The following PHACTR2 variants were observed in gnomAD, a reference collection of about 807,000 sequenced individuals.
PHACTR2 encodes chromosome 6 open reading frame 56.
A neutral mutation model predicts 76.0 loss-of-function variants in PHACTR2; 30 were observed. That is an observed-to-expected ratio of 0.39 (90% CI 0.30 to 0.54). The LOEUF is 0.54. PHACTR2 is among the 20% of genes least tolerant of loss of function. The probability of loss-of-function intolerance (pLI) is 0.61; values close to 1 mark genes in which losing one functional copy is unlikely to be tolerated. For synonymous variants in PHACTR2, 292 were observed against 292.5 expected (o/e 1.00, Z 0.02); for missense variants, 696 against 781.1 (o/e 0.89, Z 1.30).
At chr6:143,540,009 A>G (rs1435267443) in intron 1 of PHACTR2, among the ~76,000 whole-genome samples, 1 of 152,108 alleles carries the variant, frequency 6.6e-6, no homozygotes, top group Non-Finnish European at 1.5e-5. Context: ...GTGCCATATT[A>G]TGTCACCCTG....
In PHACTR2 at chr6:143,801,287, A is replaced by G. The variant is rs1775948968; in HGVS notation, c.1846-5770A>G. ...AGTTCTCCTGGATAATATCCTGAAG[A>G]GTGTTTTTCAACTTGGTTCTATTCT... On this transcript the variant is annotated intron_variant, in intron 11 of 12. Transcript: ENST00000440869. The surrounding 1 kb of genome is among the most constrained non-coding windows in gnomAD (Gnocchi z 4.6). Among the ~76,000 whole-genome samples the G allele has an allele frequency of 6.6e-6, 1 of 152,126 alleles. No individual in the cohort carries two copies. The highest frequency in any genetic ancestry group is 2.4e-5 in the African/African-American group (1 of 41,418).
At position 143,648,575 on chromosome 6, in the gene PHACTR2, A is replaced by G. The variant is rs980170159; in HGVS notation, c.13+40253A>G. ...CTAAGGTGGAGTGGAAGGAAATCCTATCATTACTGTGGCTGCCCTCTGAGG... is the reference window on the plus strand; with the variant it reads ...CTAAGGTGGAGTGGAAGGAAATCCTGTCATTACTGTGGCTGCCCTCTGAGG... On this transcript the variant is annotated intron_variant, in intron 1 of 11. Coordinates refer to the PHACTR2 transcript ENST00000305766. The surrounding 1 kb of genome is among the most constrained non-coding windows in gnomAD (Gnocchi z 6.7). 6.6e-6 allele frequency among the ~76,000 whole-genome samples: 1 copy of G among 152,136 alleles called. No individual in the cohort carries two copies. Among genetic ancestry groups the G allele is most frequent in the Non-Finnish European group, 1.5e-5 (1 of 68,018 alleles).
chr6:143,728,200 C>CTTTTTTTTTTCTTTTTTTTTT (rs1778618287), intron 2 of PHACTR2, among the ~76,000 whole-genome samples: 2 of 131,380 alleles, frequency 1.5e-5, no homozygotes, highest in Non-Finnish European at 3.2e-5. Flanking sequence ...TCTTTCTTTC[C>CTTTTTTTTTTCTTTTTTTTTT]TTTTTTTTTT....
At chr6:143,575,979 A>C (rs1387646077) in intron 1 of PHACTR2, among the ~76,000 whole-genome samples, 1 of 152,240 alleles carries the variant, frequency 6.6e-6, no homozygotes, top group Non-Finnish European at 1.5e-5. Context: ...AATAGAGCAT[A>C]ATCACATTTC....
Position 143,641,648 on chromosome 6 carries a change from AG to A in PHACTR2, c.13+33328del, listed in dbSNP as rs1233127609. Among the ~76,000 whole-genome samples, 5 of 152,096 alleles carry A rather than the reference AG, an allele frequency of 3.3e-5. No homozygotes were observed. Among genetic ancestry groups the A allele is most frequent in the Non-Finnish European group, 5.9e-5 (4 of 68,010 alleles). On this transcript the variant is annotated intron_variant, in intron 1 of 11. Coordinates refer to the PHACTR2 transcript ENST00000305766. This position sits in a 1 kb window ranked among gnomAD's most constrained non-coding sequence, Gnocchi z 5.8. ...CAGCCTCCTGAGTAGCTGGGATTAC[AG>A]GCATGCACCACCCTGCCCAGCTAAT...
intron 1 of PHACTR2, among the ~76,000 whole-genome samples, chr6:143,573,553 A>G (rs1775472295): frequency 6.9e-6 from 1 of 145,222 alleles, no homozygotes; most frequent in South Asian, 2.2e-4. Context: ...CAGTTTTGTG[A>G]ACCCATGAAT....
chr6:143,679,508 G>A lies in PHACTR2; in HGVS notation c.46+1299G>A, dbSNP rs542767208. On this transcript the variant is annotated intron_variant, in intron 1 of 12. Coordinates refer to ENST00000440869, the MANE Select transcript of PHACTR2 (RefSeq NM_001100164.2). This position sits in a 1 kb window ranked among gnomAD's most constrained non-coding sequence, Gnocchi z 4.6. ...GGTTTCCTTTGTCTTACCTTAAAGT[G>A]GTGTGAGACTTCTTTTCATTTCAAG... Among the ~76,000 whole-genome samples the A allele has an allele frequency of 1.3e-5, 2 of 152,166 alleles. No individual in the cohort carries two copies. Among genetic ancestry groups the A allele is most frequent in the South Asian group, 4.2e-4 (2 of 4,816 alleles).
intron 1 of PHACTR2, among the ~76,000 whole-genome samples, chr6:143,572,796 A>G (rs974137690): frequency 2.0e-5 from 3 of 151,836 alleles, no homozygotes; most frequent in Non-Finnish European, 4.4e-5. Flanking sequence ...CAAGCAATCC[A>G]CCTGCCTCTG....
At chr6:143,631,863 T>G (rs1379152673) in intron 1 of PHACTR2, among the ~76,000 whole-genome samples, 1 of 152,216 alleles carries the variant, frequency 6.6e-6, no homozygotes, top group African/African-American at 2.4e-5. Context: ...CCTAAGATTC[T>G]GTCTTTATTT....
At chr6:143,650,083 A>G (rs1776732391) in intron 1 of PHACTR2, among the ~76,000 whole-genome samples, 1 of 152,178 alleles carries the variant, frequency 6.6e-6, no homozygotes, top group Non-Finnish European at 1.5e-5. Context: ...ATGAACTACC[A>G]TTCACAATGG....
Position 143,648,493 on chromosome 6 carries a change from T to C in PHACTR2, c.13+40171T>C, listed in dbSNP as rs1776697561. Among the ~76,000 whole-genome samples the C allele has an allele frequency of 6.6e-6, 1 of 152,008 alleles. No individual in the cohort carries two copies. The highest frequency in any genetic ancestry group is 1.5e-5 in the Non-Finnish European group (1 of 67,988). ...AGGAACAGACCAAACAAAGCATGGC[T>C]GATAGAAAGGGAAGCCTGCGATGGG... On this transcript the variant is annotated intron_variant, in intron 1 of 11. Coordinates refer to the PHACTR2 transcript ENST00000305766. The surrounding 1 kb of genome is among the most constrained non-coding windows in gnomAD (Gnocchi z 6.7).
At chr6:143,607,589 G>C (rs1435090874), upstream of PHACTR2, among the ~76,000 whole-genome samples, 4 of 152,162 alleles carry the variant, frequency 2.6e-5, no homozygotes, top group Admixed American at 2.6e-4. Context: ...GAATTTCTCT[G>C]TTAGGATAGG....
At position 143,797,119 on chromosome 6, in the gene PHACTR2, G is replaced by T. The variant is rs1203846949; in HGVS notation, c.1845+8209G>T. On this transcript the variant is annotated intron_variant, in intron 11 of 12. Coordinates refer to ENST00000440869, the MANE Select transcript of PHACTR2 (RefSeq NM_001100164.2). ...TCGCCATTCTAACTGGCATGAGATG[G>T]TATCTCATTCTGGTTTTGATTTGCA... Among the ~76,000 whole-genome samples the T allele has an allele frequency of 4.6e-5, 7 of 152,152 alleles. No homozygotes were observed. The East Asian group carries it at 1.2e-3, about 25-fold the overall frequency.
chr6:143,604,693 T>C (rs1371596690), upstream of PHACTR2, among the ~76,000 whole-genome samples: 1 of 151,864 alleles, frequency 6.6e-6, no homozygotes, highest in East Asian at 1.9e-4. Context: ...ACCAGCCTGA[T>C]CAACATGGTG....
chr6:143,784,302 G>T lies in PHACTR2; in HGVS notation c.1707+1022G>T, dbSNP rs541554080. On this transcript the variant is annotated intron_variant, in intron 10 of 12. Transcript: ENST00000440869. This position sits in a 1 kb window ranked among gnomAD's most constrained non-coding sequence, Gnocchi z 4.5. Reference sequence around the variant, plus strand: ...CAGACAATTGTTGCCACTTATTTATGAATATATAAATCTGATGTTAGGGCC... The same window carrying T: ...CAGACAATTGTTGCCACTTATTTATTAATATATAAATCTGATGTTAGGGCC... Among the ~76,000 whole-genome samples the T allele has an allele frequency of 6.6e-6, 1 of 152,262 alleles. No homozygotes were observed. Among genetic ancestry groups the T allele is most frequent in the East Asian group, 1.9e-4 (1 of 5,182 alleles).
chr6:143,552,639 C>T (rs1775108812), intron 1 of PHACTR2, among the ~76,000 whole-genome samples: 1 of 152,108 alleles, frequency 6.6e-6, no homozygotes, highest in Non-Finnish European at 1.5e-5. Context: ...TGCGGTGGCT[C>T]ATACCTATAA....
At chr6:143,785,966 A>T (rs1775547633) in intron 10 of PHACTR2, among the ~76,000 whole-genome samples, 1 of 152,174 alleles carries the variant, frequency 6.6e-6, no homozygotes, top group South Asian at 2.1e-4. Context: ...GGTCTCTGAC[A>T]TGGCCTGGAG....
At chr6:143,574,563 T>C (rs1775484364) in intron 1 of PHACTR2, among the ~76,000 whole-genome samples, 1 of 152,156 alleles carries the variant, frequency 6.6e-6, no homozygotes, top group Non-Finnish European at 1.5e-5. Context: ...TGGCATTAAG[T>C]TTGCTTGAAA....
In PHACTR2 at chr6:143,821,096, G is replaced by T. The variant is rs1776408943; in HGVS notation, c.1923-2578G>T. Among the ~76,000 whole-genome samples, 1 of 152,234 alleles carries T rather than the reference G, an allele frequency of 6.6e-6. No homozygotes were observed. The highest frequency in any genetic ancestry group is 6.5e-5 in the Admixed American group (1 of 15,290). On this transcript the variant is annotated intron_variant, in intron 12 of 12. Transcript: ENST00000440869. This position sits in a 1 kb window ranked among gnomAD's most constrained non-coding sequence, Gnocchi z 5.2. ...GGCTGCACGAGGCAGCAGGGCCCTT[G>T]ACCTGGCCCTCGAAAAAGTGAAAGA... is the stretch of plus-strand genomic sequence containing the variant.
Sources: allele counts gnomAD v4.1 joint callset (sites outside exome capture counted in the v4.1 genomes callset), GRCh38; gene constraint gnomAD v4.1.1; non-coding constraint Gnocchi (gnomAD v3.1); transcripts MANE v1.5; gene names NCBI Gene and HGNC (gene_info 2026-07-23, HGNC 2026-07-21).